IL31RA: variants seen among roughly 807,000 people sequenced by gnomAD.
The protein encoded by IL31RA is interleukin 31 receptor A, also known as interleukin-31 receptor subunit alpha.
In IL31RA, 66 loss-of-function variants were observed where a neutral mutation model predicts 83.7. The observed-to-expected ratio is 0.79, with a 90% CI of 0.65 to 0.97. The LOEUF is 0.97. Ranked by LOEUF, IL31RA falls within the 50% of genes least tolerant of loss-of-function variation. The pLI is 0.00. For missense variants in IL31RA, 798 were observed against 919.4 expected (o/e 0.87, Z 1.71); for synonymous variants, 325 against 329.0 (o/e 0.99, Z 0.13).
Position 55,883,148 on chromosome 5 carries a change from G to A in IL31RA, c.559G>A (p.Asp187Asn), listed in dbSNP as rs13184107. The change falls in exon 5 of 15, where the codon GAT becomes AAT. Residue 187 changes from aspartate (D) to asparagine (N), a missense_variant. Transcript: ENST00000652347. ...GCCTGAGTTGGCGCCTGTTTCATCT[G>A]ATTTAAAATACACACTTCGATTCAG... ...IKPELAPVSS[D>N]LKYTLRFRTV... is the part of the protein sequence containing the mutation. 0.032 allele frequency: 51,480 copies of A among 1,613,616 alleles called. 1,047 individuals are homozygous for A. The highest frequency in any genetic ancestry group is 0.038 in the Non-Finnish European group (45,389 of 1,179,554).
At chr5:55,913,769 G>A (rs1036700447) in intron 13 of IL31RA, among the ~76,000 whole-genome samples, 199 bp downstream of exon 13, 2 of 152,232 alleles carry the variant, frequency 1.3e-5, no homozygotes, top group African/African-American at 2.4e-5. Context: ...GAGCACTTTC[G>A]TTTCCCAGAG....
At chr5:55,910,779 C>A in intron 12 of IL31RA, 107 bp downstream of exon 12, 1 of 1,195,106 alleles carries the variant, frequency 8.4e-7, no homozygotes, top group South Asian at 1.2e-5. Context: ...AAGGGCAGTG[C>A]CTAGTGCCCT....
chr5:55,907,496 C>A, intron 10 of IL31RA, 36 bp downstream of exon 10: 1 of 1,357,070 alleles, frequency 7.4e-7, no homozygotes, highest in Non-Finnish European at 1.1e-6. Flanking sequence ...GAAAAGGAAA[C>A]AGTGTGACCT....
At chr5:55,865,612 T>C (rs1424089867) in intron 2 of IL31RA, among the ~76,000 whole-genome samples, 1 of 152,206 alleles carries the variant, frequency 6.6e-6, no homozygotes, top group Non-Finnish European at 1.5e-5. Flanking sequence ...TATAGGGTAA[T>C]ACCTCTGACA....
chr5:55,906,821 C>T (rs1335311641), intron 9 of IL31RA, among the ~76,000 whole-genome samples: 4 of 152,172 alleles, frequency 2.6e-5, no homozygotes, highest in Non-Finnish European at 5.9e-5. Flanking sequence ...TGCAGTGGCA[C>T]GATCATAGCT....
the IL31RA span, chr5:55,839,908 A>C: frequency 1.4e-6 from 1 of 697,316 alleles, no homozygotes; most frequent in Non-Finnish European, 2.7e-6. Flanking sequence ...GAATACCTTG[A>C]GCCTTATTTT....
intron 7 of IL31RA, 134 bp downstream of exon 7, chr5:55,896,563 C>A (rs1454022478): frequency 1.4e-5 from 7 of 485,752 alleles, no homozygotes; most frequent in Admixed American, 1.1e-4. Flanking sequence ...CCCCTCCCCT[C>A]CCCTCCCCTC....
chr5:55,886,408 C>T (rs546992174), intron 5 of IL31RA, among the ~76,000 whole-genome samples: 12 of 151,260 alleles, frequency 7.9e-5, no homozygotes, highest in African/African-American at 2.4e-4. Context: ...CAAGTAGCTG[C>T]GATTACAGGC....
At chr5:55,897,761 A>G (rs971455952) in intron 7 of IL31RA, among the ~76,000 whole-genome samples, 7 of 152,152 alleles carry the variant, frequency 4.6e-5, no homozygotes, top group Non-Finnish European at 1.0e-4. Flanking sequence ...GGAAAAGGGC[A>G]GATGGAGAAA....
chr5:55,885,222 C>T (rs1747509083), intron 5 of IL31RA, among the ~76,000 whole-genome samples: 1 of 152,180 alleles, frequency 6.6e-6, no homozygotes, highest in Admixed American at 6.5e-5. Flanking sequence ...ACCCTGTTTA[C>T]TGCAGCATGC....
Position 55,851,405 on chromosome 5 carries a change from T to C in IL31RA, c.-166T>C, listed in dbSNP as rs1054417607. On this transcript the variant is annotated 5_prime_UTR_variant, in exon 1 of 15. Transcript: ENST00000652347. ...ACCAGACAGCACTCCAGCACTCTGC[T>C]TGGGGGGCATTCGAAACAGCAAAAT... 3 of 1,206,274 alleles carry C rather than the reference T, an allele frequency of 2.5e-6. No homozygotes were observed. The highest frequency in any genetic ancestry group is 1.5e-5 in the African/African-American group (1 of 66,768). The allele number at this position is 1,206,274 out of a possible 1,614,324, so 74.7% of individuals were successfully genotyped here. A position where few individuals can be genotyped will look rare whatever the true frequency, so the allele number is the denominator to read the frequency against.
At chr5:55,866,527 C>T (rs1393668810) in intron 2 of IL31RA, 2 of 148,564 alleles carry the variant, frequency 1.3e-5, no homozygotes, top group Non-Finnish European at 3.0e-5. Flanking sequence ...TGCTGCTGTT[C>T]TGAGGCAGGG....
chr5:55,916,866 C>T lies in IL31RA; in HGVS notation c.2041C>T (p.Pro681Ser), dbSNP rs1203364196. 2 of 1,614,132 alleles carry T rather than the reference C, an allele frequency of 1.2e-6. No individual in the cohort carries two copies. The highest frequency in any genetic ancestry group is 1.7e-6 in the Non-Finnish European group (2 of 1,180,018). The change falls in exon 15 of 15, where the codon CCC becomes TCC. Residue 681 changes from proline (P) to serine (S), a missense_variant. Transcript: ENST00000652347. Reference sequence around the variant, plus strand: ...GACCTGCCCCTTCAGGCCTGATTGTCCCCTGGGGAAAAGTTTTGAGGAGCT... The same window carrying T: ...GACCTGCCCCTTCAGGCCTGATTGTTCCCTGGGGAAAAGTTTTGAGGAGCT... ...YVTCPFRPDCPLGKSFEELPV... is the reference protein window; with the variant it reads ...YVTCPFRPDCSLGKSFEELPV...
rs35672011 is a variant in IL31RA, at chr5:55,891,761, A to ATTTTTTTTTT, written c.772+1649_772+1658dup. 4.5e-3 allele frequency among the ~76,000 whole-genome samples: 270 copies of ATTTTTTTTTT among 60,030 alleles called. 36 individuals are homozygous for ATTTTTTTTTT. Among genetic ancestry groups the ATTTTTTTTTT allele is most frequent in the Non-Finnish European group, 5.4e-3 (188 of 34,716 alleles). The allele number at this position is 60,030 out of a possible 152,430, so 39.4% of individuals were successfully genotyped here. A position where few individuals can be genotyped will look rare whatever the true frequency, so the allele number is the denominator to read the frequency against. On this transcript the variant is annotated intron_variant, in intron 6 of 14. Coordinates refer to ENST00000652347, the MANE Select transcript of IL31RA (RefSeq NM_139017.7). Reference sequence around the variant, plus strand: ...TACAGGTTCCAGGGATTTGGACAAGATTTTTTTTTTTTTTTTTTTTTTTTT... The same window carrying ATTTTTTTTTT: ...TACAGGTTCCAGGGATTTGGACAAGATTTTTTTTTTTTTTTTTTTTTTTTTTTTTTTTTTT...
chr5:55,886,568 C>T (rs1177994036), intron 5 of IL31RA, among the ~76,000 whole-genome samples: 3 of 152,154 alleles, frequency 2.0e-5, no homozygotes, highest in Non-Finnish European at 4.4e-5. Context: ...GCCACCATGC[C>T]TGGCCTTCTC....
chr5:55,917,130 T>A lies in IL31RA; in HGVS notation c.*10T>A. 1 of 1,614,108 alleles carries A rather than the reference T, an allele frequency of 6.2e-7. No individual in the cohort carries two copies. The highest frequency in any genetic ancestry group is 8.5e-7 in the Non-Finnish European group (1 of 1,180,032). ...CAAGGGAGAAGTCTAAATGCGACCATAGCATGAGACCCTCGGGGCCTCAGT... is the reference window on the plus strand; with the variant it reads ...CAAGGGAGAAGTCTAAATGCGACCAAAGCATGAGACCCTCGGGGCCTCAGT... On this transcript the variant is annotated 3_prime_UTR_variant, in exon 15 of 15. Transcript: ENST00000652347.
chr5:55,843,571 T>A, the IL31RA span, among the ~76,000 whole-genome samples: 1 of 152,222 alleles, frequency 6.6e-6, no homozygotes, highest in African/African-American at 2.4e-5. Context: ...GGTGTCAATA[T>A]CTTCACTATC....
chr5:55,910,820 T>C (rs751874653), intron 12 of IL31RA, 148 bp downstream of exon 12: 1 of 937,424 alleles, frequency 1.1e-6, no homozygotes, highest in Non-Finnish European at 1.7e-6. Flanking sequence ...CCAACCTTCC[T>C]GGAAAGCATA....
chr5:55,866,614 CT>C (rs1746064767), intron 2 of IL31RA: 4 of 152,262 alleles, frequency 2.6e-5, no homozygotes, highest in Admixed American at 2.6e-4. Context: ...GGCCCAGTTC[CT>C]AACAGGCCAT....
Sources: allele counts gnomAD v4.1 joint callset (sites outside exome capture counted in the v4.1 genomes callset), GRCh38; gene constraint gnomAD v4.1.1; transcripts MANE v1.5; gene names NCBI Gene and HGNC (gene_info 2026-07-23, HGNC 2026-07-21).